The following GLYATL1B variants were observed in gnomAD, a reference collection of about 807,000 sequenced individuals.
GLYATL1B encodes the protein putative glycine N-acyltransferase-like protein 1B.
In GLYATL1B, 6 loss-of-function variants were observed where a neutral mutation model predicts 5.5. The observed-to-expected ratio is 1.09, with a 90% CI of 0.60 to 2.15. The LOEUF (loss-of-function observed/expected upper bound fraction) is 2.15, where lower values mean the gene tolerates loss of function less well. Among genes scored for constraint, GLYATL1B ranks in the 30% most tolerant of loss-of-function variants. The pLI is 0.00. For synonymous variants in GLYATL1B, 67 were observed against 34.9 expected, an observed-to-expected ratio of 1.92 and a Z score of -3.24; for missense variants, 135 against 94.1, an observed-to-expected ratio of 1.43 and a Z score of -1.80.
At chr11:59,093,200 G>A (rs187000190) in intron 2 of GLYATL1B, among the ~76,000 whole-genome samples, 1 of 152,326 alleles carries the variant, frequency 6.6e-6, no homozygotes, top group African/African-American at 2.4e-5. Context: ...AATAAGGTAA[G>A]TGTGCAGTTG....
At chr11:59,086,613 T>C (rs1203728502) in intron 1 of GLYATL1B, among the ~76,000 whole-genome samples, 2 of 152,130 alleles carry the variant, frequency 1.3e-5, no homozygotes, top group Non-Finnish European at 2.9e-5. Context: ...TGGTGAAGAA[T>C]GGTGGCTACG....
At chr11:59,087,488 G>T (rs12576347) in intron 2 of GLYATL1B, among the ~76,000 whole-genome samples, 39,234 of 151,780 alleles carry the variant, frequency 0.26, 5,784 homozygotes, top group South Asian at 0.39. Context: ...GGGAAAGTTG[G>T]CTGTCTGAGA....
At chr11:59,092,372 A>G (rs1247421011) in intron 2 of GLYATL1B, among the ~76,000 whole-genome samples, 4 of 151,842 alleles carry the variant, frequency 2.6e-5, no homozygotes, top group Non-Finnish European at 5.9e-5. Flanking sequence ...GTCTACTTTG[A>G]TATTCTTTTT....
At chr11:59,092,149 C>T (rs1859326834) in intron 2 of GLYATL1B, among the ~76,000 whole-genome samples, 1 of 151,696 alleles carries the variant, frequency 6.6e-6, no homozygotes, top group South Asian at 2.1e-4. Flanking sequence ...TCTCATGGCT[C>T]ATACTCTATG....
chr11:59,089,339 C>T (rs1859259556), intron 2 of GLYATL1B, among the ~76,000 whole-genome samples: 1 of 152,170 alleles, frequency 6.6e-6, no homozygotes, highest in Non-Finnish European at 1.5e-5. Flanking sequence ...GTCTTTACAT[C>T]CTGGAAACTT....
At position 59,094,610 on chromosome 11, in the gene GLYATL1B, A is replaced by G; in HGVS notation, c.733A>G (p.Thr245Ala). 4.3e-6 allele frequency: 2 copies of G among 461,280 alleles called. No individual in the cohort carries two copies. The highest frequency in any genetic ancestry group is 7.8e-6 in the Non-Finnish European group (2 of 255,486). 28.6% of individuals were successfully genotyped at this position (461,280 alleles called of 1,614,324 possible). ...AAAATACCGAAGGAGAGGCAATGGG[A>G]CACGGCTGATCATGCGATGCATGAA... Reference protein sequence around the residue: ...VEKYRRRGNGTRLIMRCMKYL... With the variant: ...VEKYRRRGNGARLIMRCMKYL... The change falls in exon 5 of 5, where the codon ACA (threonine) becomes GCA (alanine). Residue 245 changes from threonine (T) to alanine (A), a missense_variant. Coordinates refer to ENST00000527482, the MANE Select transcript of GLYATL1B (RefSeq NM_001355566.1).
chr11:59,091,592 T>C (rs1265936015), intron 2 of GLYATL1B, among the ~76,000 whole-genome samples: 1 of 152,228 alleles, frequency 6.6e-6, no homozygotes, highest in East Asian at 1.9e-4. Flanking sequence ...AAACGTGATA[T>C]TTGATTTTCT....
chr11:59,086,565 A>AG (rs1339368487), intron 1 of GLYATL1B, among the ~76,000 whole-genome samples, 181 bp downstream of exon 1: 1 of 152,082 alleles, frequency 6.6e-6, no homozygotes, highest in African/African-American at 2.4e-5. Context: ...ACAGGCAACT[A>AG]GGCCGACTCT....
rs1021910364 is a variant in GLYATL1B at position 59,094,521 on chromosome 11, G to A, written c.644G>A (p.Gly215Glu). 45 of 789,328 alleles carry A rather than the reference G, an allele frequency of 5.7e-5. No individual in the cohort carries two copies. Among genetic ancestry groups the A allele is most frequent in the Non-Finnish European group, 9.4e-5 (45 of 476,340 alleles). The allele number at this position is 789,328 out of a possible 1,614,324, so 48.9% of individuals were successfully genotyped here. ...GCAGCCTGTATGCTGGGCCCAGAGG[G>A]GGTCCCGGTCTCATGGGTAACCATG... Reference protein sequence around the residue: ...LPAACMLGPEGVPVSWVTMDP... With the variant: ...LPAACMLGPEEVPVSWVTMDP... Residue 215 changes from glycine to glutamate, a missense_variant, in exon 5 of 5, where the codon GGG becomes GAG. Physicochemically the swap from Gly to Glu is moderately conservative, Grantham distance 98. Transcript: ENST00000527482.
intron 2 of GLYATL1B, among the ~76,000 whole-genome samples, chr11:59,092,391 T>A (rs1393107919): frequency 1.3e-5 from 2 of 152,216 alleles, no homozygotes; most frequent in African/African-American, 4.8e-5. Context: ...TTATAATTCT[T>A]TGAATATTTA....
chr11:59,086,761 T>C (rs1200687289), intron 1 of GLYATL1B, among the ~76,000 whole-genome samples: 33 of 151,924 alleles, frequency 2.2e-4, no homozygotes, highest in East Asian at 7.7e-4. Flanking sequence ...TATTAGTACC[T>C]ACCTCTTAAA....
At chr11:59,089,418 T>A (rs1859261994) in intron 2 of GLYATL1B, among the ~76,000 whole-genome samples, 1 of 152,200 alleles carries the variant, frequency 6.6e-6, no homozygotes, top group Non-Finnish European at 1.5e-5. Context: ...AAGTAGGCAC[T>A]GCCAGACTAC....
At chr11:59,090,767 G>T (rs1308622025) in intron 2 of GLYATL1B, among the ~76,000 whole-genome samples, 1 of 151,930 alleles carries the variant, frequency 6.6e-6, no homozygotes, top group Admixed American at 6.6e-5. Flanking sequence ...GCCAATATTT[G>T]TATGGGTTTT....
intron 1 of GLYATL1B, among the ~76,000 whole-genome samples, chr11:59,086,586 T>C (rs1219444099): frequency 6.6e-6 from 1 of 152,146 alleles, no homozygotes; most frequent in African/African-American, 2.4e-5. Context: ...GCAGATTTTA[T>C]CACTCATTTG....
At chr11:59,089,924 G>GT (rs1035094570) in intron 2 of GLYATL1B, among the ~76,000 whole-genome samples, 1 of 151,558 alleles carries the variant, frequency 6.6e-6, no homozygotes, top group African/African-American at 2.4e-5. Context: ...CGTACAAGTT[G>GT]TTTTTTTCAT....
At chr11:59,088,335 C>A (rs1287526617) in intron 2 of GLYATL1B, among the ~76,000 whole-genome samples, 2 of 152,090 alleles carry the variant, frequency 1.3e-5, no homozygotes, top group African/African-American at 4.8e-5. Flanking sequence ...TATTTTTTGG[C>A]CCTAAAGACT....
intron 2 of GLYATL1B, among the ~76,000 whole-genome samples, chr11:59,092,228 T>C (rs990682540): frequency 6.6e-6 from 1 of 152,012 alleles, no homozygotes; most frequent in African/African-American, 2.4e-5. Context: ...TTTATCTCTC[T>C]CTCTCTTCTG....
chr11:59,088,878 TGAA>T (rs768611518), intron 2 of GLYATL1B, among the ~76,000 whole-genome samples: 17 of 152,356 alleles, frequency 1.1e-4, no homozygotes, highest in South Asian at 4.1e-4. Flanking sequence ...AATGCAATTT[TGAA>T]GAAGACCTTT....
At chr11:59,092,884 T>A (rs1859346490) in intron 2 of GLYATL1B, among the ~76,000 whole-genome samples, 1 of 152,246 alleles carries the variant, frequency 6.6e-6, no homozygotes, top group African/African-American at 2.4e-5. Context: ...TTATATTCAC[T>A]AAAGTATCTT....
Sources: allele counts gnomAD v4.1 joint callset (sites outside exome capture counted in the v4.1 genomes callset), GRCh38; gene constraint gnomAD v4.1.1; transcripts MANE v1.5; gene names NCBI Gene and HGNC (gene_info 2026-07-23, HGNC 2026-07-21).